The following EXOC4 variants were observed in gnomAD, a reference collection of about 807,000 sequenced individuals.
The protein encoded by EXOC4 is SEC8-like 1.
In EXOC4, 71 loss-of-function variants were observed where a neutral mutation model predicts 107.2. The observed-to-expected ratio is 0.66, with a 90% CI of 0.55 to 0.81. EXOC4 has a LOEUF of 0.81. EXOC4 is among the 30% of genes least tolerant of loss of function. EXOC4 has a pLI of 0.00. For synonymous variants in EXOC4, 456 were observed against 441.2 expected (o/e 1.03, Z -0.42); for missense variants, 1,108 against 1,189.6 (o/e 0.93, Z 1.01).
intron 6 of EXOC4, among the ~76,000 whole-genome samples, chr7:133,362,129 G>A (rs1042440753): frequency 6.6e-6 from 1 of 152,070 alleles, no homozygotes; most frequent in Non-Finnish European, 1.5e-5. Context: ...AATTTTTTAT[G>A]AGGGTATATT....
chr7:133,284,132 C>T (rs1441577237), intron 2 of EXOC4, among the ~76,000 whole-genome samples: 1 of 152,164 alleles, frequency 6.6e-6, no homozygotes, highest in Admixed American at 6.5e-5. Flanking sequence ...TTCTATTTCG[C>T]TTTTCCTTCC....
intron 14 of EXOC4, among the ~76,000 whole-genome samples, chr7:133,968,229 G>C (rs973606200): frequency 6.6e-6 from 1 of 151,976 alleles, no homozygotes; most frequent in African/African-American, 2.4e-5. Flanking sequence ...TTGAGCCTAT[G>C]TGTGTCTTTG....
intron 2 of EXOC4, among the ~76,000 whole-genome samples, chr7:133,279,278 A>C (rs1253690359): frequency 6.6e-6 from 1 of 152,182 alleles, no homozygotes; most frequent in African/African-American, 2.4e-5. Context: ...CGCAATAAAC[A>C]TACGTGTGCA....
chr7:133,474,932 TG>T (rs1267601044), intron 7 of EXOC4, among the ~76,000 whole-genome samples: 1 of 152,198 alleles, frequency 6.6e-6, no homozygotes, highest in African/African-American at 2.4e-5. Context: ...ATTAGCATGT[TG>T]CCTGCATCAT....
At chr7:134,021,219 A>G (rs2116423692) in intron 17 of EXOC4, among the ~76,000 whole-genome samples, 1 of 152,360 alleles carries the variant, frequency 6.6e-6, no homozygotes, top group East Asian at 1.9e-4. Flanking sequence ...GATATGCAGT[A>G]TATAACAGGC....
intron 9 of EXOC4, among the ~76,000 whole-genome samples, chr7:133,613,106 TGTC>T (rs1802109176): frequency 6.6e-6 from 1 of 152,054 alleles, no homozygotes; most frequent in Non-Finnish European, 1.5e-5. Context: ...AAAAAAGATA[TGTC>T]ATGAATGCAC....
chr7:133,705,547 G>A (rs1794750675), intron 10 of EXOC4, among the ~76,000 whole-genome samples: 1 of 152,122 alleles, frequency 6.6e-6, no homozygotes, highest in East Asian at 1.9e-4. Context: ...ATAGTCAATT[G>A]TGGTCCAAAA....
the EXOC4 span, among the ~76,000 whole-genome samples, chr7:134,076,802 C>A: frequency 1.3e-5 from 2 of 151,862 alleles, no homozygotes; most frequent in African/African-American, 4.8e-5. Context: ...TACATGGAAT[C>A]TTTGCACCCC....
At chr7:134,082,961 C>G in the EXOC4 span, among the ~76,000 whole-genome samples, 3 of 152,156 alleles carry the variant, frequency 2.0e-5, no homozygotes, top group African/African-American at 7.2e-5. Context: ...AGTTGCCACA[C>G]AGTTGATAAC....
downstream of EXOC4, among the ~76,000 whole-genome samples, chr7:134,070,601 T>C (rs1038169285): frequency 3.9e-5 from 6 of 152,082 alleles, no homozygotes; most frequent in Admixed American, 3.9e-4. Context: ...ACGTACACCA[T>C]GTGAGGAGAG....
At chr7:133,859,264 G>A (rs1798482571) in intron 11 of EXOC4, among the ~76,000 whole-genome samples, 1 of 152,120 alleles carries the variant, frequency 6.6e-6, no homozygotes. Flanking sequence ...TTTGTTTCAT[G>A]TGTGGCTATG....
intron 11 of EXOC4, among the ~76,000 whole-genome samples, chr7:133,837,074 T>C (rs974772693): frequency 1.3e-5 from 2 of 152,130 alleles, no homozygotes; most frequent in Non-Finnish European, 2.9e-5. Context: ...TTTTGGAAGA[T>C]AAAAAAGATT....
intron 12 of EXOC4, among the ~76,000 whole-genome samples, chr7:133,914,770 A>AG (rs1373916487): frequency 1.3e-5 from 2 of 152,358 alleles, no homozygotes; most frequent in African/African-American, 4.8e-5. Context: ...TACAGAGGAT[A>AG]AGTTCCATTG....
intron 10 of EXOC4, among the ~76,000 whole-genome samples, chr7:133,697,701 A>G (rs1043441029): frequency 3.3e-5 from 5 of 152,214 alleles, no homozygotes; most frequent in African/African-American, 1.2e-4. Flanking sequence ...GTGGGGATTT[A>G]TAACCAAAGA....
intron 15 of EXOC4, among the ~76,000 whole-genome samples, chr7:134,003,764 G>C (rs1410217232): frequency 6.6e-6 from 1 of 151,360 alleles, no homozygotes; most frequent in Non-Finnish European, 1.5e-5. Context: ...TTTCTGCTAC[G>C]GTGGGGGATT....
intron 11 of EXOC4, among the ~76,000 whole-genome samples, chr7:133,865,139 A>G (rs1160807605): frequency 6.6e-6 from 1 of 152,086 alleles, no homozygotes; most frequent in Non-Finnish European, 1.5e-5. Context: ...TTCATGGGAC[A>G]GGGATGTTAT....
At chr7:133,869,917 A>AT (rs1292012695) in intron 11 of EXOC4, among the ~76,000 whole-genome samples, 1 of 152,176 alleles carries the variant, frequency 6.6e-6, no homozygotes, top group South Asian at 2.1e-4. Context: ...AAGCTAGCTG[A>AT]TTTTTTGATC....
chr7:133,934,178 A>C (rs1296523074), intron 13 of EXOC4, among the ~76,000 whole-genome samples: 1 of 152,180 alleles, frequency 6.6e-6, no homozygotes, highest in Non-Finnish European at 1.5e-5. Context: ...TAATTTAATA[A>C]ATCAGAGGGA....
chr7:133,683,449 A>G (rs937832026), intron 10 of EXOC4, among the ~76,000 whole-genome samples: 1 of 152,216 alleles, frequency 6.6e-6, no homozygotes, highest in African/African-American at 2.4e-5. Flanking sequence ...CTGTCAAGAC[A>G]CTGGCAGTAG....
Sources: allele counts gnomAD v4.1 joint callset (sites outside exome capture counted in the v4.1 genomes callset), GRCh38; gene constraint gnomAD v4.1.1; transcripts MANE v1.5; gene names NCBI Gene and HGNC (gene_info 2026-07-23, HGNC 2026-07-21).